The following SLC26A6 variants were observed in gnomAD, a reference collection of about 807,000 sequenced individuals.
The protein encoded by SLC26A6 is anion exchange transporter.
A neutral mutation model predicts 87.1 loss-of-function variants in SLC26A6; 67 were observed. The observed-to-expected ratio is 0.77, with a 90% CI of 0.63 to 0.94. SLC26A6 has a LOEUF of 0.94. Among genes scored for constraint, SLC26A6 ranks in the 40% least tolerant of loss-of-function variants. SLC26A6 has a pLI of 0.00. For synonymous variants in SLC26A6, 414 were observed against 405.9 expected, an observed-to-expected ratio of 1.02 and a Z score of -0.24; for missense variants, 902 against 973.0, an observed-to-expected ratio of 0.93 and a Z score of 0.97.
Position 48,628,197 on chromosome 3 carries a change from C to T in SLC26A6, c.1801-159G>A. On this transcript the variant is annotated intron_variant, in intron 16 of 20. Coordinates refer to ENST00000395550, the MANE Select transcript of SLC26A6 (RefSeq NM_022911.3). This position sits in a 1 kb window ranked among gnomAD's most constrained non-coding sequence, Gnocchi z 4.4. The stretch of plus-strand genomic sequence containing the variant: ...AGCCAGGCTGAAGCTCCTGGAACAG[C>T]CGTGAAAGGGAAGAGGACTGTGACG... The T allele has an allele frequency of 1.3e-6, 1 of 785,056 alleles. No homozygotes were observed. Among genetic ancestry groups the T allele is most frequent in the Non-Finnish European group, 2.0e-6 (1 of 497,102 alleles). The allele number at this position is 785,056 out of a possible 1,614,324, so 48.6% of individuals were successfully genotyped here.
At position 48,631,751 on chromosome 3, in the gene SLC26A6, C is replaced by G. The variant is rs1164259166; in HGVS notation, c.801G>C (p.Val267=). Residue 267 remains valine (V), a synonymous_variant, in exon 7 of 21, where the codon GTG becomes GTC. Coordinates refer to ENST00000395550, the MANE Select transcript of SLC26A6 (RefSeq NM_022911.3). Reference sequence around the variant, plus strand: ...CCACCCCAGCCACAGCTGCAGTGACCACGGTGCCAACCTTGCTCTGGGGCA... The same window carrying G: ...CCACCCCAGCCACAGCTGCAGTGACGACGGTGCCAACCTTGCTCTGGGGCA... ...WKLPQSKVGT[V]VTAAVAGVVL... The G allele has an allele frequency of 6.2e-7, 1 of 1,613,612 alleles. No individual in the cohort carries two copies.
In SLC26A6 at chr3:48,633,273, C is replaced by T; in HGVS notation, c.300G>A (p.Val100=). The part of the protein sequence containing the change: ...LLGDLLSGLS[V]AIMQLPQGLA... ...CACCCTGCGGAAGCTGCATGATGGCCACACTCAGGCCGGATAACAGGTCAC... is the reference window on the plus strand; with the variant it reads ...CACCCTGCGGAAGCTGCATGATGGCTACACTCAGGCCGGATAACAGGTCAC... The change falls in exon 3 of 21, where the codon GTG becomes GTA. Residue 100 remains valine (V), a synonymous_variant. Transcript: ENST00000395550. 1 of 1,613,302 alleles carries T rather than the reference C, an allele frequency of 6.2e-7. No homozygotes were observed. The highest frequency in any genetic ancestry group is 8.5e-7 in the Non-Finnish European group (1 of 1,179,916).
intron 20 of SLC26A6, 82 bp downstream of exon 20, chr3:48,626,136 A>G (rs1241108001): frequency 6.2e-7 from 1 of 1,610,852 alleles, no homozygotes; most frequent in African/African-American, 1.3e-5. Context: ...GCCACCAGGA[A>G]AGACTCCCTG....
rs1422121111 is a variant in SLC26A6 at position 48,628,901 on chromosome 3, C to G, written c.1600-187G>C. Among the ~76,000 whole-genome samples the G allele has an allele frequency of 6.6e-6, 1 of 152,102 alleles. No homozygotes were observed. Among genetic ancestry groups the G allele is most frequent in the Non-Finnish European group, 1.5e-5 (1 of 68,000 alleles). On this transcript the variant is annotated intron_variant, in intron 14 of 20. Coordinates refer to ENST00000395550, the MANE Select transcript of SLC26A6 (RefSeq NM_022911.3). The surrounding 1 kb of genome is among the most constrained non-coding windows in gnomAD (Gnocchi z 4.4). ...CGACGGTGTCATCCCCATCCCCCCA[C>G]AGTGCCTCTCCCTCCCCACCTCTCC...
At chr3:48,634,744 C>T in intron 1 of SLC26A6, 6 of 985,434 alleles carry the variant, frequency 6.1e-6, no homozygotes, top group Non-Finnish European at 7.2e-6. Context: ...GGAAGCGCCT[C>T]TAACCTGGCT....
chr3:48,631,412 G>A (rs1044462634), intron 7 of SLC26A6, 106 bp from the exon 8 acceptor site: 4 of 1,324,712 alleles, frequency 3.0e-6, no homozygotes, highest in East Asian at 5.1e-5. Context: ...AACCTTCTTC[G>A]AGGGTGGGAA....
chr3:48,633,573 T>C lies in SLC26A6; in HGVS notation c.86A>G (p.Tyr29Cys). The change falls in exon 2 of 21, where the codon TAC (tyrosine) becomes TGC (cysteine). Residue 29 changes from tyrosine to cysteine, a missense_variant. By Grantham distance (194) the Tyr-to-Cys change is radical. Around this residue, in one of 3 missense-constraint regions of SLC26A6, gnomAD observed 800 missense variants for 856.8 expected, o/e 0.93. Transcript: ENST00000395550. ...GTTCAGCAGCGGCCGTTCCATGTGG[T>C]AGTCTCGCCTCCGCAGGTCCATTGC... ...TQAMDLRRRD[Y>C]HMERPLLNQE... 1 of 1,613,556 alleles carries C rather than the reference T, an allele frequency of 6.2e-7. No homozygotes were observed. Among genetic ancestry groups the C allele is most frequent in the Non-Finnish European group, 8.5e-7 (1 of 1,179,998 alleles).
At position 48,633,008 on chromosome 3, in the gene SLC26A6, G is replaced by A. The variant is rs775524941; in HGVS notation, c.399C>T (p.Tyr133=). The change falls in exon 4 of 21, where the codon TAC becomes TAT. Residue 133 remains tyrosine, a synonymous_variant. Transcript: ENST00000395550. ...LYSSFYPVFI[Y]FLFGTSRHIS... ...TGTGCCGGGAAGTGCCAAACAGGAA[G>A]TAGATGAAGACAGGGTAGAAGGAGC... 1 of 1,613,700 alleles carries A rather than the reference G, an allele frequency of 6.2e-7. No homozygotes were observed. Among genetic ancestry groups the A allele is most frequent in the Non-Finnish European group, 8.5e-7 (1 of 1,179,946 alleles).
At position 48,631,801 on chromosome 3, in the gene SLC26A6, T is replaced by C; in HGVS notation, c.751A>G (p.Thr251Ala). The change falls in exon 7 of 21, where the codon ACA (threonine) becomes GCA (alanine). Residue 251 changes from threonine to alanine, a missense_variant and splice_region_variant. Physicochemically the swap from Thr to Ala is moderately conservative, Grantham distance 58. This residue lies in a region of SLC26A6 where 800 missense variants were observed against 856.8 expected (regional missense o/e 0.93). Coordinates refer to ENST00000395550, the MANE Select transcript of SLC26A6 (RefSeq NM_022911.3). ...AGCTTCCAGCAGACCTCCAGCACTG[T>C]CTGAGGAGAGGCCAGGTCACAGCTA... is the stretch of plus-strand genomic sequence containing the variant. ...SHSGPLSLIYTVLEVCWKLPQ... is the reference protein window; with the variant it reads ...SHSGPLSLIYAVLEVCWKLPQ... 6.2e-7 allele frequency: 1 copy of C among 1,613,376 alleles called. No homozygotes were observed. Among genetic ancestry groups the C allele is most frequent in the Non-Finnish European group, 8.5e-7 (1 of 1,179,970 alleles).
At position 48,628,420 on chromosome 3, in the gene SLC26A6, A is replaced by C. The variant is rs145402970; in HGVS notation, c.1800+14T>G. 2 of 1,613,596 alleles carry C rather than the reference A, an allele frequency of 1.2e-6. No homozygotes were observed. Among genetic ancestry groups the C allele is most frequent in the Non-Finnish European group, 1.7e-6 (2 of 1,179,978 alleles). ...GGGCAGGAGATGGGGGTCACCAGAC[A>C]AAAGGGGCCCTGCCTGTTTCCGAAG... On this transcript the variant is annotated intron_variant, in intron 16 of 20. Coordinates refer to ENST00000395550, the MANE Select transcript of SLC26A6 (RefSeq NM_022911.3). This position sits in a 1 kb window ranked among gnomAD's most constrained non-coding sequence, Gnocchi z 4.4.
At chr3:48,632,769 G>A in intron 4 of SLC26A6, 6 of 681,150 alleles carry the variant, frequency 8.8e-6, no homozygotes, top group Non-Finnish European at 1.6e-5. Context: ...TCTTCCTGGA[G>A]CCAGGGCTTT....
rs747388039 is a variant in SLC26A6, at chr3:48,631,720, C to T, written c.832G>A (p.Val278Met). 1.2e-5 allele frequency: 19 copies of T among 1,613,192 alleles called. No individual in the cohort carries two copies. Among genetic ancestry groups the T allele is most frequent in the Non-Finnish European group, 1.6e-5 (19 of 1,180,022 alleles). ...VTAAVAGVVLVVVKLLNDKLQ... is the reference protein window; with the variant it reads ...VTAAVAGVVLMVVKLLNDKLQ... ...TTGTCATTCAACAGCTTCACCACCA[C>T]GAGCACCACCCCAGCCACAGCTGCA... Residue 278 changes from valine to methionine, a missense_variant, in exon 7 of 21, where the codon GTG becomes ATG. Coordinates refer to ENST00000395550, the MANE Select transcript of SLC26A6 (RefSeq NM_022911.3).
chr3:48,628,697 C>T lies in SLC26A6; in HGVS notation c.1617G>A (p.Gly539=), dbSNP rs779278688. 1 of 1,613,270 alleles carries T rather than the reference C, an allele frequency of 6.2e-7. No homozygotes were observed. The highest frequency in any genetic ancestry group is 8.5e-7 in the Non-Finnish European group (1 of 1,179,830). Residue 539 remains glycine, a synonymous_variant, in exon 15 of 21, where the codon GGG becomes GGA. Transcript: ENST00000395550. This position sits in a 1 kb window ranked among gnomAD's most constrained non-coding sequence, Gnocchi z 4.4. ...TGGCCGAGGAGCGGAAGACCTTCAC[C>T]CCCCGGACTTCCTTGGCCTGGGGAT... ...AEYSEAKEVR[G]VKVFRSSATV...
Position 48,632,239 on chromosome 3 carries a change from C to T in SLC26A6, c.585+6G>A. 6.3e-7 allele frequency: 1 copy of T among 1,591,796 alleles called. No individual in the cohort carries two copies. Among genetic ancestry groups the T allele is most frequent in the Non-Finnish European group, 8.6e-7 (1 of 1,168,642 alleles). ...TGGGGGGCACATACTCCTGACTGTT[C>T]CACACCTGGAAGAGGCCAACCAGGA... On this transcript the variant is annotated splice_donor_region_variant and intron_variant, in intron 5 of 20. Coordinates refer to ENST00000395550, the MANE Select transcript of SLC26A6 (RefSeq NM_022911.3).
Position 48,628,003 on chromosome 3 carries a change from A to G in SLC26A6, c.1836T>C (p.Asn612=). The change falls in exon 17 of 21, where the codon AAT becomes AAC. Residue 612 remains asparagine, a synonymous_variant. Coordinates refer to ENST00000395550, the MANE Select transcript of SLC26A6 (RefSeq NM_022911.3). The surrounding 1 kb of genome is among the most constrained non-coding windows in gnomAD (Gnocchi z 4.4). ...ASPKGASVSI[N]VNTSLEDMRS... is the part of the protein sequence containing the mutation. ...TCATGTCTTCAAGGCTGGTGTTGAC[A>G]TTAATGGAAACTGAGGCGCCCTTGG... 1.9e-6 allele frequency: 3 copies of G among 1,591,314 alleles called. No individual in the cohort carries two copies. Among genetic ancestry groups the G allele is most frequent in the East Asian group, 4.6e-5 (2 of 43,920 alleles).
Position 48,629,713 on chromosome 3 carries a change from T to C in SLC26A6, c.1530-2A>G. 1.9e-6 allele frequency: 3 copies of C among 1,612,862 alleles called. No individual in the cohort carries two copies. The highest frequency in any genetic ancestry group is 2.5e-6 in the Non-Finnish European group (3 of 1,179,378). ...TGCCCCAGGACAGAGTAGTGGGGCC[T>C]GTGAAGGAGAGAGAGAATGCACGAA... is the stretch of plus-strand genomic sequence containing the variant. On this transcript the variant is annotated splice_acceptor_variant, in intron 13 of 20. Transcript: ENST00000395550. LOFTEE classifies it high-confidence loss of function.
At chr3:48,627,078 A>G in intron 17 of SLC26A6, 23 bp from the exon 18 acceptor site, 1 of 1,607,126 alleles carries the variant, frequency 6.2e-7, no homozygotes, top group South Asian at 1.1e-5. Flanking sequence ...ACATGCTGCC[A>G]GGGCCACCCA....
intron 4 of SLC26A6, 137 bp from the exon 5 acceptor site, chr3:48,632,533 G>T: frequency 1.6e-6 from 2 of 1,267,794 alleles, no homozygotes; most frequent in Non-Finnish European, 2.2e-6. Flanking sequence ...AACAGGGACA[G>T]TGCTGGCGGT....
In SLC26A6 at chr3:48,631,021, C is replaced by T. The variant is rs2046773940; in HGVS notation, c.1106G>A (p.Arg369Lys). Residue 369 changes from arginine (R) to lysine (K), a missense_variant, in exon 9 of 21, where the codon AGG (arginine) becomes AAG (lysine). By Grantham distance (26) the Arg-to-Lys change is conservative. Coordinates refer to ENST00000395550, the MANE Select transcript of SLC26A6 (RefSeq NM_022911.3). ...GTTGCTGTCCACCCGGTAGCCGTGC[C>T]TCAGGGCGAAGATCTTCCCCAGTGA... is the stretch of plus-strand genomic sequence containing the variant. ...AISLGKIFAL[R>K]HGYRVDSNQE... 1 of 1,613,750 alleles carries T rather than the reference C, an allele frequency of 6.2e-7. No homozygotes were observed. The highest frequency in any genetic ancestry group is 8.5e-7 in the Non-Finnish European group (1 of 1,180,036).
Sources: allele counts gnomAD v4.1 joint callset (sites outside exome capture counted in the v4.1 genomes callset), GRCh38; gene constraint gnomAD v4.1.1; regional missense constraint gnomAD v4.1.1; non-coding constraint Gnocchi (gnomAD v3.1); transcripts MANE v1.5; gene names NCBI Gene and HGNC (gene_info 2026-07-23, HGNC 2026-07-21).